Variants in RNF130 observed in about 807,000 individuals in gnomAD.
RNF130 encodes ring finger protein 130.
RNF130 carries 21 observed loss-of-function variants against 44.6 expected under a neutral mutation model. The observed-to-expected ratio is 0.47, with a 90% CI of 0.33 to 0.68. The LOEUF (loss-of-function observed/expected upper bound fraction) is 0.68, where lower values mean the gene tolerates loss of function less well. Ranked by LOEUF, RNF130 falls within the 30% of genes least tolerant of loss-of-function variation. RNF130 has a pLI of 0.02. For synonymous variants in RNF130, 214 were observed against 210.4 expected (o/e 1.02, Z -0.15); for missense variants, 479 against 560.6 (o/e 0.85, Z 1.47).
At chr5:180,012,985 G>GT (rs1252072922) in intron 3 of RNF130, 76 bp downstream of exon 3, 2 of 1,481,416 alleles carry the variant, frequency 1.4e-6, no homozygotes, top group Non-Finnish European at 1.8e-6. Flanking sequence ...AAACATGTTA[G>GT]TAAGATGCAT....
intron 2 of RNF130, among the ~76,000 whole-genome samples, chr5:180,026,703 T>C (rs1763999191): frequency 6.6e-6 from 1 of 152,230 alleles, no homozygotes; most frequent in Non-Finnish European, 1.5e-5. Flanking sequence ...TATTCCAATG[T>C]GGAATTTTAA....
intron 2 of RNF130, among the ~76,000 whole-genome samples, chr5:180,036,643 A>G (rs1227533622): frequency 6.6e-6 from 1 of 152,204 alleles, no homozygotes; most frequent in African/African-American, 2.4e-5. Flanking sequence ...AATTTTGTCC[A>G]GTTTTATAGT....
intron 3 of RNF130, among the ~76,000 whole-genome samples, chr5:179,999,665 C>A (rs1049093541): frequency 6.6e-6 from 1 of 151,918 alleles, no homozygotes; most frequent in Non-Finnish European, 1.5e-5. Context: ...TGCAGTGAGC[C>A]AAGATTGCAC....
At chr5:180,005,154 G>A (rs1441229924) in intron 3 of RNF130, among the ~76,000 whole-genome samples, 2 of 152,176 alleles carry the variant, frequency 1.3e-5, no homozygotes, top group South Asian at 2.1e-4. Context: ...ATGGCCCGGC[G>A]TGGTGGCTCG....
intron 1 of RNF130, among the ~76,000 whole-genome samples, chr5:180,041,701 G>C (rs1192777727): frequency 6.6e-6 from 1 of 152,178 alleles, no homozygotes; most frequent in Non-Finnish European, 1.5e-5. Flanking sequence ...CAGCCCTGCC[G>C]GTCCTCTGTG....
At chr5:180,066,559 C>T (rs1311996144) in intron 1 of RNF130, among the ~76,000 whole-genome samples, 1 of 152,152 alleles carries the variant, frequency 6.6e-6, no homozygotes, top group Non-Finnish European at 1.5e-5. Flanking sequence ...CTGGGCAATA[C>T]AGCGAGACCC....
intron 1 of RNF130, among the ~76,000 whole-genome samples, chr5:180,065,077 T>TA (rs1765070169): frequency 6.6e-6 from 1 of 152,054 alleles, no homozygotes; most frequent in Admixed American, 6.6e-5. Flanking sequence ...CTCCAGTTCC[T>TA]TAATAATCCT....
At chr5:180,002,444 C>T (rs1005254802) in intron 3 of RNF130, among the ~76,000 whole-genome samples, 1 of 152,208 alleles carries the variant, frequency 6.6e-6, no homozygotes, top group African/African-American at 2.4e-5. Context: ...AGACACACTT[C>T]AGTCACAGCT....
chr5:179,991,319 G>T (rs1763077595), intron 3 of RNF130, among the ~76,000 whole-genome samples: 1 of 152,116 alleles, frequency 6.6e-6, no homozygotes, highest in Non-Finnish European at 1.5e-5. Flanking sequence ...TATATGTCAT[G>T]GTGAAGTCCT....
intron 7 of RNF130, among the ~76,000 whole-genome samples, chr5:179,949,806 A>G (rs193214739): frequency 6.6e-6 from 1 of 152,296 alleles, no homozygotes; most frequent in East Asian, 1.9e-4. Context: ...AAATGCTGTA[A>G]ATAATTAAGA....
Position 180,066,847 on chromosome 5 carries a change from C to CAATAAA in RNF130, c.247+4603_247+4608dup, listed in dbSNP as rs992431171. ...AACTCTGTCTCTAAAAAATAAAATA[C>CAATAAA]AATAAAAATAAAAATAAAAATAAAA... is the stretch of plus-strand genomic sequence containing the variant. On this transcript the variant is annotated intron_variant, in intron 1 of 8. Transcript: ENST00000521389. Among the ~76,000 whole-genome samples, 8 of 151,804 alleles carry CAATAAA rather than the reference C, an allele frequency of 5.3e-5. No individual in the cohort carries two copies. In the South Asian group the frequency reaches 1.0e-3, roughly 20 times the overall value.
At chr5:180,015,000 A>C (rs534009788) in intron 2 of RNF130, among the ~76,000 whole-genome samples, 1 of 152,292 alleles carries the variant, frequency 6.6e-6, no homozygotes, top group African/African-American at 2.4e-5. Flanking sequence ...GAAGAGAAAT[A>C]CAACAGTAAA....
At chr5:179,996,414 G>A (rs530545859) in intron 3 of RNF130, among the ~76,000 whole-genome samples, 2 of 152,298 alleles carry the variant, frequency 1.3e-5, no homozygotes, top group African/African-American at 4.8e-5. Context: ...TAGTGGAAAC[G>A]TTTTCAGCTT....
chr5:179,928,756 GTAGCTGGGAC>G (rs2113674474), intron 7 of RNF130, among the ~76,000 whole-genome samples: 1 of 151,938 alleles, frequency 6.6e-6, no homozygotes, highest in South Asian at 2.1e-4. Context: ...AGCCTCCCGA[GTAGCTGGGAC>G]TACAGGCGCC....
At chr5:179,948,340 G>A (rs1351883164) in intron 7 of RNF130, among the ~76,000 whole-genome samples, 1 of 152,172 alleles carries the variant, frequency 6.6e-6, no homozygotes, top group Non-Finnish European at 1.5e-5. Context: ...CTGGAATGGT[G>A]GTCTCTGTTT....
chr5:179,999,107 C>CTGCCTTGCAAGT (rs1763273466), intron 3 of RNF130, among the ~76,000 whole-genome samples: 1 of 151,110 alleles, frequency 6.6e-6, no homozygotes, highest in Non-Finnish European at 1.5e-5. Flanking sequence ...ACTGCAGCCT[C>CTGCCTTGCAAGT]TGCCTTGCAG....
At chr5:180,019,717 T>C (rs1160038089) in intron 2 of RNF130, among the ~76,000 whole-genome samples, 2 of 152,248 alleles carry the variant, frequency 1.3e-5, no homozygotes, top group Admixed American at 6.5e-5. Flanking sequence ...GGAGGTTATA[T>C]CAATTATAGA....
intron 7 of RNF130, chr5:179,939,838 C>CA: frequency 2.7e-6 from 1 of 372,964 alleles, no homozygotes; most frequent in Non-Finnish European, 5.1e-6. Context: ...TCCCTCCCAC[C>CA]AAAAATTCCC....
At chr5:179,976,495 G>C (rs1044527127) in intron 5 of RNF130, among the ~76,000 whole-genome samples, 2 of 152,276 alleles carry the variant, frequency 1.3e-5, no homozygotes, top group East Asian at 1.9e-4. Flanking sequence ...TTGCACTGGC[G>C]TGTGCATTTC....
Sources: allele counts gnomAD v4.1 joint callset (sites outside exome capture counted in the v4.1 genomes callset), GRCh38; gene constraint gnomAD v4.1.1; transcripts MANE v1.5; gene names NCBI Gene and HGNC (gene_info 2026-07-23, HGNC 2026-07-21).